Variants in CSF3R observed in about 807,000 individuals in gnomAD.
CSF3R encodes granulocyte colony-stimulating factor receptor.
A neutral mutation model predicts 84.4 loss-of-function variants in CSF3R; 52 were observed. That is an observed-to-expected ratio of 0.62 (90% CI 0.49 to 0.78). The LOEUF is 0.78. Ranked by LOEUF, CSF3R falls within the 30% of genes least tolerant of loss-of-function variation. CSF3R has a pLI of 0.00. For missense variants in CSF3R, 890 were observed against 1,055.7 expected (o/e 0.84, Z 2.17); for synonymous variants, 384 against 429.1 (o/e 0.89, Z 1.30).
chr1:36,474,080 G>A (rs1650963587), intron 4 of CSF3R, among the ~76,000 whole-genome samples, 193 bp from the exon 5 acceptor site: 1 of 152,190 alleles, frequency 6.6e-6, no homozygotes, highest in Non-Finnish European at 1.5e-5. Context: ...ATGCACCGGG[G>A]CAAGCATCAC....
In CSF3R at chr1:36,468,168, G is replaced by T. The variant is rs949664688; in HGVS notation, c.1630C>A (p.Gln544Lys). 2.5e-6 allele frequency: 4 copies of T among 1,612,650 alleles called. No individual in the cohort carries two copies. The highest frequency in any genetic ancestry group is 3.4e-6 in the Non-Finnish European group (4 of 1,179,156). Residue 544 changes from glutamine to lysine, a missense_variant, in exon 13 of 17, where the codon CAG (glutamine) becomes AAG (lysine). Physicochemically the swap from Gln to Lys is moderately conservative, Grantham distance 53. Coordinates refer to ENST00000373106, the MANE Select transcript of CSF3R (RefSeq NM_000760.4). ...GGGGGCTCAGGCACCCACTCCAGCT[G>T]TGCCCAGGTCTTGCCAATGTGCTTT... ...HLKHIGKTWA[Q>K]LEWVPEPPEL...
chr1:36,466,999 G>T lies in CSF3R; in HGVS notation c.2041-172C>A. On this transcript the variant is annotated intron_variant, in intron 16 of 16. Transcript: ENST00000373106. This position sits in a 1 kb window ranked among gnomAD's most constrained non-coding sequence, Gnocchi z 4.6. ...TGTTCCTCACACATGCCTGACACAT[G>T]CCATGCACCGTTCAGACTCAGCATG... The T allele has an allele frequency of 6.7e-7, 1 of 1,500,066 alleles. No individual in the cohort carries two copies. The highest frequency in any genetic ancestry group is 9.1e-7 in the Non-Finnish European group (1 of 1,094,950). The allele number at this position is 1,500,066 out of a possible 1,614,324, so 92.9% of individuals were successfully genotyped here. A position where few individuals can be genotyped will look rare whatever the true frequency, so the allele number is the denominator to read the frequency against.
chr1:36,474,997 C>CT (rs370292260), intron 4 of CSF3R, among the ~76,000 whole-genome samples: 17,596 of 147,324 alleles, frequency 0.12, 1,303 homozygotes, highest in South Asian at 0.18. Flanking sequence ...AGGTAGTACT[C>CT]TTTTTTTTTT....
chr1:36,469,542 G>T, intron 11 of CSF3R, 110 bp downstream of exon 11: 2 of 1,287,778 alleles, frequency 1.6e-6, no homozygotes, highest in Non-Finnish European at 2.2e-6. Context: ...ATCAAGAAAG[G>T]CTGGAGAATC....
chr1:36,480,421 G>A (rs1275159876), intron 2 of CSF3R, among the ~76,000 whole-genome samples: 1 of 152,236 alleles, frequency 6.6e-6, no homozygotes, highest in Non-Finnish European at 1.5e-5. Flanking sequence ...CTGGGGTCAG[G>A]CATCATGAGG....
intron 6 of CSF3R, chr1:36,473,074 T>C (rs1650883823): frequency 2.5e-6 from 1 of 402,476 alleles, no homozygotes; most frequent in Admixed American, 4.3e-5. Context: ...TTTCTGCTTA[T>C]TGCTATCTGA....
In CSF3R at chr1:36,472,486, C is replaced by T. The variant is rs532466800; in HGVS notation, c.843+31G>A. Reference sequence around the variant, plus strand: ...TTACCCTGCCCCCTGCCCCCACCACCTCAGGCTCTCCAGGTTGCCCTCTGC... The same window carrying T: ...TTACCCTGCCCCCTGCCCCCACCACTTCAGGCTCTCCAGGTTGCCCTCTGC... On this transcript the variant is annotated intron_variant, in intron 7 of 16. Transcript: ENST00000373106. This position sits in a 1 kb window ranked among gnomAD's most constrained non-coding sequence, Gnocchi z 5.0. The T allele has an allele frequency of 1.6e-4, 253 of 1,614,118 alleles. No homozygotes were observed. Among genetic ancestry groups the T allele is most frequent in the Non-Finnish European group, 1.9e-4 (226 of 1,179,994 alleles).
At chr1:36,468,957 A>C in intron 12 of CSF3R, 199 bp downstream of exon 12, 1 of 589,844 alleles carries the variant, frequency 1.7e-6, no homozygotes. Context: ...CCAACTCCCT[A>C]CTCAATTTCT....
At chr1:36,478,700 C>CA (rs1305215119) in intron 3 of CSF3R, among the ~76,000 whole-genome samples, 6 of 149,248 alleles carry the variant, frequency 4.0e-5, no homozygotes, top group Non-Finnish European at 7.4e-5. Flanking sequence ...AATACAACAA[C>CA]AAAAAAAAAT....
chr1:36,480,205 G>T (rs1367424917), intron 2 of CSF3R: 3 of 155,662 alleles, frequency 1.9e-5, no homozygotes, highest in Non-Finnish European at 4.3e-5. Flanking sequence ...TACTAGGCAG[G>T]TTCTCCTGGG....
chr1:36,479,556 G>T, intron 2 of CSF3R, 40 bp from the exon 3 acceptor site: 1 of 1,461,306 alleles, frequency 6.8e-7, no homozygotes, highest in Non-Finnish European at 9.6e-7. Flanking sequence ...GGGCTTTGGA[G>T]TCAGAGCTGA....
Position 36,466,175 on chromosome 1 carries a change from T to A in CSF3R, c.*182A>T. The A allele has an allele frequency of 6.2e-7, 1 of 1,614,052 alleles. No individual in the cohort carries two copies. Among genetic ancestry groups the A allele is most frequent in the Non-Finnish European group, 8.5e-7 (1 of 1,180,004 alleles). On this transcript the variant is annotated 3_prime_UTR_variant, in exon 17 of 17. Transcript: ENST00000373106. This position sits in a 1 kb window ranked among gnomAD's most constrained non-coding sequence, Gnocchi z 4.6. The stretch of plus-strand genomic sequence containing the variant: ...ATGGAGCATGATCTGGTCCTTAAAG[T>A]ATGCAGATCGCCTGGGAGGCCCAGC...
intron 3 of CSF3R, 113 bp downstream of exon 3, chr1:36,479,320 C>G: frequency 9.1e-7 from 1 of 1,093,890 alleles, no homozygotes; most frequent in Non-Finnish European, 1.4e-6. Flanking sequence ...AGACTTGAAT[C>G]TTGTGGGATT....
At chr1:36,473,047 C>G in intron 6 of CSF3R, 1 of 401,214 alleles carries the variant, frequency 2.5e-6, no homozygotes. Flanking sequence ...ATGCCCTTCT[C>G]CTCCTTTAAT....
chr1:36,471,618 C>T lies in CSF3R; in HGVS notation c.1100G>A (p.Arg367Gln), dbSNP rs140159756. ...KPVPLEEDSG[R>Q]IQGYVVSWRP... ...CCAAGAAACCACATAACCTTGGATC[C>T]GTCCGCTGTCTTCCTCCAGGGGCAC... is the stretch of plus-strand genomic sequence containing the variant. The change falls in exon 10 of 17, where the codon CGG becomes CAG. Residue 367 changes from arginine (R) to glutamine (Q), a missense_variant. Physicochemically the swap from Arg to Gln is conservative, Grantham distance 43. Transcript: ENST00000373106. 2.2e-5 allele frequency: 36 copies of T among 1,614,084 alleles called. 1 individual carries two copies. Among genetic ancestry groups the T allele is most frequent in the Non-Finnish European group, 2.8e-5 (33 of 1,180,056 alleles).
Position 36,472,725 on chromosome 1 carries a change from A to C in CSF3R, c.674-39T>G. On this transcript the variant is annotated intron_variant, in intron 6 of 16. Transcript: ENST00000373106. The surrounding 1 kb of genome is among the most constrained non-coding windows in gnomAD (Gnocchi z 5.0). ...GGCTGTCAGAAGGTCTCCCTATCCC[A>C]CCCTAGAGGGCTCTGCCTTAGCTCC... 9 of 1,521,724 alleles carry C rather than the reference A, an allele frequency of 5.9e-6. No individual in the cohort carries two copies. Among genetic ancestry groups the C allele is most frequent in the Non-Finnish European group, 8.0e-6 (9 of 1,131,862 alleles). The allele number at this position is 1,521,724 out of a possible 1,614,324, so 94.3% of individuals were successfully genotyped here. A position where few individuals can be genotyped will look rare whatever the true frequency, so the allele number is the denominator to read the frequency against.
rs1296151274 is a variant in CSF3R, at chr1:36,466,637, G to A, written c.2231C>T (p.Ser744Phe). ...ATAAAGGACCTGATCGCTGGTGCCA[G>A]ACTGGGATTGGGGCTGGGTGGAAAC... ...RAVSTQPQSQ[S>F]GTSDQVLYGQ... The change falls in exon 17 of 17, where the codon TCT becomes TTT. Residue 744 changes from serine (S) to phenylalanine (F), a missense_variant. By Grantham distance (155) the Ser-to-Phe change is radical. Transcript: ENST00000373106. The surrounding 1 kb of genome is among the most constrained non-coding windows in gnomAD (Gnocchi z 4.6). 3 of 1,614,156 alleles carry A rather than the reference G, an allele frequency of 1.9e-6. No homozygotes were observed. Among genetic ancestry groups the A allele is most frequent in the Non-Finnish European group, 2.5e-6 (3 of 1,180,002 alleles).
chr1:36,471,609 C>T lies in CSF3R; in HGVS notation c.1109G>A (p.Gly370Asp). 1 of 1,614,232 alleles carries T rather than the reference C, an allele frequency of 6.2e-7. No homozygotes were observed. Among genetic ancestry groups the T allele is most frequent in the Non-Finnish European group, 8.5e-7 (1 of 1,180,046 alleles). The part of the protein sequence containing the change: ...PLEEDSGRIQ[G>D]YVVSWRPSGQ... ...TGAGGGTCTCCAAGAAACCACATAA[C>T]CTTGGATCCGTCCGCTGTCTTCCTC... The change falls in exon 10 of 17, where the codon GGT becomes GAT. Residue 370 changes from glycine (G) to aspartate (D), a missense_variant. Physicochemically the swap from Gly to Asp is moderately conservative, Grantham distance 94. Transcript: ENST00000373106.
intron 1 of CSF3R, 78 bp downstream of exon 1, chr1:36,482,732 AG>A (rs1651610798): frequency 6.6e-6 from 1 of 152,272 alleles, no homozygotes; most frequent in Admixed American, 6.5e-5. Context: ...CACTTGGCAG[AG>A]CTGTGGGGAG....
Sources: gnomAD v4.1 joint callset for allele counts (sites outside exome capture counted in the v4.1 genomes callset) on GRCh38, gnomAD v4.1.1 for gene constraint, Gnocchi (gnomAD v3.1) non-coding constraint, MANE v1.5 for transcripts, NCBI Gene and HGNC (gene_info 2026-07-23, HGNC 2026-07-21) for gene names.